Variants in NRXN3 observed in about 807,000 individuals in gnomAD.
The protein encoded by NRXN3 is neurexin 3.
A neutral mutation model predicts 137.6 loss-of-function variants in NRXN3; 32 were observed. That is an observed-to-expected ratio of 0.23 (90% CI 0.18 to 0.31). The LOEUF (loss-of-function observed/expected upper bound fraction) is 0.31. Among genes scored for constraint, NRXN3 ranks in the 10% least tolerant of loss-of-function variants. The pLI, the probability that NRXN3 is intolerant of heterozygous loss-of-function variation, is 1.00. For missense variants in NRXN3, 1,574 were observed against 2,062.5 expected, an observed-to-expected ratio of 0.76 and a Z score of 4.59; for synonymous variants, 798 against 784.5, an observed-to-expected ratio of 1.02 and a Z score of -0.29.
chr14:79,031,104 G>C (rs1419599259), intron 15 of NRXN3, among the ~76,000 whole-genome samples: 3 of 152,034 alleles, frequency 2.0e-5, no homozygotes, highest in Non-Finnish European at 2.9e-5. Flanking sequence ...TCTATAAGCA[G>C]GATTTTTCTC....
At chr14:78,614,908 G>A in intron 4 of NRXN3, 1 of 456,062 alleles carries the variant, frequency 2.2e-6, no homozygotes, top group Non-Finnish European at 4.4e-6. Flanking sequence ...TGGAACTCTA[G>A]GGACCTCAAA....
chr14:78,437,334 T>A (rs1321100643), intron 4 of NRXN3, among the ~76,000 whole-genome samples: 1 of 150,730 alleles, frequency 6.6e-6, no homozygotes, highest in African/African-American at 2.5e-5. Context: ...TTTTTTTCTT[T>A]TCTTTTCTTT....
chr14:79,649,993 G>T (rs1474667136), intron 16 of NRXN3, among the ~76,000 whole-genome samples: 1 of 152,156 alleles, frequency 6.6e-6, no homozygotes, highest in African/African-American at 2.4e-5. Flanking sequence ...CCTTCTTGCT[G>T]TATCTTTACA....
intron 4 of NRXN3, among the ~76,000 whole-genome samples, chr14:78,622,480 G>A (rs925480792): frequency 2.0e-5 from 3 of 152,142 alleles, no homozygotes; most frequent in East Asian, 1.9e-4. Context: ...AAGGACATGC[G>A]TTTGGGGTCT....
intron 4 of NRXN3, among the ~76,000 whole-genome samples, chr14:78,455,744 A>G (rs1307784634): frequency 1.3e-5 from 2 of 152,216 alleles, no homozygotes; most frequent in East Asian, 3.9e-4. Flanking sequence ...ATCTGTTGAA[A>G]GCCAGGTAGC....
chr14:79,471,751 G>T (rs558244986), intron 16 of NRXN3, among the ~76,000 whole-genome samples: 1 of 152,080 alleles, frequency 6.6e-6, no homozygotes, highest in African/African-American at 2.4e-5. Flanking sequence ...CAAAATGAAG[G>T]CATTTGTGTC....
intron 19 of NRXN3, among the ~76,000 whole-genome samples, chr14:79,801,414 C>G (rs181754875): frequency 1.6e-3 from 246 of 152,304 alleles, no homozygotes; most frequent in Admixed American, 3.3e-3. Flanking sequence ...AGCACATAGG[C>G]AGATACCAAA....
intron 10 of NRXN3, among the ~76,000 whole-genome samples, chr14:78,943,398 A>G (rs893836303): frequency 2.6e-5 from 4 of 151,322 alleles, no homozygotes; most frequent in African/African-American, 9.7e-5. Context: ...GGGCAGAGGA[A>G]CCTGGGCTCA....
intron 15 of NRXN3, among the ~76,000 whole-genome samples, chr14:79,387,495 A>G (rs1301198299): frequency 6.6e-6 from 1 of 152,134 alleles, no homozygotes; most frequent in African/African-American, 2.4e-5. Context: ...ACACTTTTAC[A>G]CTGTTGGTGG....
intron 4 of NRXN3, among the ~76,000 whole-genome samples, chr14:78,355,396 T>C (rs908838764): frequency 5.9e-5 from 9 of 151,592 alleles, no homozygotes; most frequent in Non-Finnish European, 8.8e-5. Flanking sequence ...TTTCTTTCAG[T>C]CATAGAGTCT....
chr14:78,549,474 A>G (rs188364765), intron 4 of NRXN3, among the ~76,000 whole-genome samples: 1 of 152,280 alleles, frequency 6.6e-6, no homozygotes, highest in Non-Finnish European at 1.5e-5. Flanking sequence ...ACCTGTGTGA[A>G]TCTTGATCAC....
chr14:78,556,116 T>C (rs564354291), intron 4 of NRXN3, among the ~76,000 whole-genome samples: 1 of 152,326 alleles, frequency 6.6e-6, no homozygotes, highest in East Asian at 1.9e-4. Flanking sequence ...GCTGAAGAGG[T>C]GGTTCAGACC....
chr14:78,879,680 A>G (rs969232118), intron 10 of NRXN3, among the ~76,000 whole-genome samples: 17 of 152,204 alleles, frequency 1.1e-4, no homozygotes, highest in African/African-American at 4.1e-4. Flanking sequence ...GTGAAAGCTT[A>G]ATTCCCTGTC....
chr14:78,493,167 T>C lies in NRXN3; in HGVS notation c.758-151953T>C, dbSNP rs556497155. Among the ~76,000 whole-genome samples, 197 of 152,148 alleles carry C rather than the reference T, an allele frequency of 1.3e-3. 2 individuals are homozygous for C. Among genetic ancestry groups the C allele is most frequent in the African/African-American group, 4.4e-3 (184 of 41,486 alleles). On this transcript the variant is annotated intron_variant, in intron 4 of 20. Transcript: ENST00000335750. ...GGATGCTGTGCGTTTTGTGTCCTCA[T>C]CCCAACTCCTAGCCACTTCAGGTTT...
In NRXN3 at chr14:79,655,503, C is replaced by T. The variant is rs564919681; in HGVS notation, c.3445-8275C>T. Among the ~76,000 whole-genome samples the T allele has an allele frequency of 5.3e-5, 8 of 152,298 alleles. No homozygotes were observed. In the East Asian group the frequency reaches 1.5e-3, roughly 29 times the overall value. Reference sequence around the variant, plus strand: ...TGCATGTGTGCCTGTTGTGTGCGTGCATATATACCATACAGAAAAGTACTG... The same window carrying T: ...TGCATGTGTGCCTGTTGTGTGCGTGTATATATACCATACAGAAAAGTACTG... On this transcript the variant is annotated intron_variant, in intron 16 of 20. Transcript: ENST00000335750.
At chr14:79,488,831 G>A (rs190739979) in intron 16 of NRXN3, among the ~76,000 whole-genome samples, 74 of 152,236 alleles carry the variant, frequency 4.9e-4, no homozygotes, top group African/African-American at 1.8e-3. Context: ...TTTTTAGAAT[G>A]ATCTCTTTGG....
chr14:79,673,563 A>T (rs1418867147), intron 17 of NRXN3, among the ~76,000 whole-genome samples: 2 of 152,140 alleles, frequency 1.3e-5, no homozygotes, highest in East Asian at 3.9e-4. Context: ...TTAATGTAAT[A>T]GAAGTATTCC....
intron 15 of NRXN3, among the ~76,000 whole-genome samples, chr14:79,259,709 TACAC>T (rs71131688): frequency 0.27 from 37,338 of 139,604 alleles, 5,570 homozygotes; most frequent in Admixed American, 0.41. Flanking sequence ...TATAGTTTTA[TACAC>T]ACACACACAC....
At chr14:78,864,600 G>T (rs2099081687) in intron 10 of NRXN3, among the ~76,000 whole-genome samples, 1 of 152,096 alleles carries the variant, frequency 6.6e-6, no homozygotes, top group African/African-American at 2.4e-5. Context: ...CCCATTATTA[G>T]GTTCATAGCT....
Sources: gnomAD v4.1 joint callset for allele counts (sites outside exome capture counted in the v4.1 genomes callset) on GRCh38, gnomAD v4.1.1 for gene constraint, MANE v1.5 for transcripts, NCBI Gene and HGNC (gene_info 2026-07-23, HGNC 2026-07-21) for gene names.